ZNF521: variants seen among roughly 807,000 people sequenced by gnomAD.
ZNF521 encodes the protein LYST-interacting protein 3.
ZNF521 carries 14 observed loss-of-function variants against 105.5 expected under a neutral mutation model. The ratio of observed to expected loss-of-function variants is 0.13; its 90% CI spans 0.09 to 0.21. The LOEUF (loss-of-function observed/expected upper bound fraction) is 0.21. ZNF521 is among the 10% of genes least tolerant of loss of function. The probability of loss-of-function intolerance (pLI) is 1.00; values close to 1 mark genes in which losing one functional copy is unlikely to be tolerated. For synonymous variants in ZNF521, 635 were observed against 606.0 expected (o/e 1.05, Z -0.70); for missense variants, 1,233 against 1,629.7 (o/e 0.76, Z 4.19).
chr18:25,248,753 A>G (rs1488788793), intron 3 of ZNF521, among the ~76,000 whole-genome samples: 1 of 152,208 alleles, frequency 6.6e-6, no homozygotes. Flanking sequence ...ACAGGGATAC[A>G]ACTACAAGTG....
At chr18:25,202,014 A>G (rs1042557743) in intron 4 of ZNF521, 2 of 152,028 alleles carry the variant, frequency 1.3e-5, no homozygotes, top group Admixed American at 6.5e-5. Context: ...TGCCTGTATT[A>G]CTCTTTATTT....
At chr18:25,103,537 C>T (rs1479412073) in intron 5 of ZNF521, among the ~76,000 whole-genome samples, 2 of 152,240 alleles carry the variant, frequency 1.3e-5, no homozygotes, top group Non-Finnish European at 1.5e-5. Flanking sequence ...CCCATACTTA[C>T]GTATGGAAAA....
intron 7 of ZNF521, among the ~76,000 whole-genome samples, chr18:25,081,202 G>A (rs1383936573): frequency 1.3e-5 from 2 of 152,180 alleles, no homozygotes; most frequent in African/African-American, 4.8e-5. Context: ...GCTCCATAAA[G>A]CCGCACTGAT....
At chr18:25,201,388 A>C (rs958725742) in intron 4 of ZNF521, 1 of 152,228 alleles carries the variant, frequency 6.6e-6, no homozygotes, top group Non-Finnish European at 1.5e-5. Context: ...GATTTGTTCC[A>C]TAGGGATTAA....
chr18:25,160,084 G>A (rs1010861692), intron 5 of ZNF521, among the ~76,000 whole-genome samples: 6 of 152,158 alleles, frequency 3.9e-5, no homozygotes, highest in African/African-American at 1.4e-4. Context: ...CACCTGCCAG[G>A]ACACTCTTCT....
intron 3 of ZNF521, among the ~76,000 whole-genome samples, chr18:25,306,516 G>C (rs1358978405): frequency 1.3e-5 from 2 of 152,102 alleles, no homozygotes; most frequent in African/African-American, 4.8e-5. Flanking sequence ...TGAGACTAAA[G>C]CACCCTTCTT....
intron 5 of ZNF521, among the ~76,000 whole-genome samples, chr18:25,172,693 C>T (rs568329040): frequency 6.6e-6 from 1 of 152,170 alleles, no homozygotes; most frequent in Non-Finnish European, 1.5e-5. Flanking sequence ...AGAAAGCTGA[C>T]ATGCTAAACA....
chr18:25,208,934 C>T (rs1380770322), intron 4 of ZNF521, among the ~76,000 whole-genome samples: 1 of 152,106 alleles, frequency 6.6e-6, no homozygotes, highest in Non-Finnish European at 1.5e-5. Context: ...CTTATTTTTG[C>T]TTCCTACTGC....
At position 25,172,156 on chromosome 18, in the gene ZNF521, G is replaced by A. The variant is rs148094048; in HGVS notation, c.3658+23004C>T. 4.8e-3 allele frequency among the ~76,000 whole-genome samples: 726 copies of A among 152,220 alleles called. 5 individuals are homozygous for A. Among genetic ancestry groups the A allele is most frequent in the African/African-American group, 0.017 (702 of 41,554 alleles). Reference sequence around the variant, plus strand: ...ACAGCATAGATATGCTAGAACATTTGAAGATTGAGAGGAAAACCATACACC... The same window carrying A: ...ACAGCATAGATATGCTAGAACATTTAAAGATTGAGAGGAAAACCATACACC... On this transcript the variant is annotated intron_variant, in intron 5 of 7. Coordinates refer to ENST00000361524, the MANE Select transcript of ZNF521 (RefSeq NM_015461.3).
intron 3 of ZNF521, among the ~76,000 whole-genome samples, chr18:25,289,214 A>C (rs963797481): frequency 3.9e-5 from 6 of 152,238 alleles, no homozygotes; most frequent in African/African-American, 1.4e-4. Context: ...CCTAAGGAAA[A>C]CTGGACTTCG....
At chr18:25,236,439 G>A (rs1453498758) in intron 3 of ZNF521, among the ~76,000 whole-genome samples, 1 of 152,012 alleles carries the variant, frequency 6.6e-6, no homozygotes, top group Non-Finnish European at 1.5e-5. Flanking sequence ...AAGAGGCTGA[G>A]GCAGGAGAAT....
intron 5 of ZNF521, among the ~76,000 whole-genome samples, chr18:25,191,885 T>C (rs1418995559): frequency 6.6e-6 from 1 of 152,028 alleles, no homozygotes; most frequent in African/African-American, 2.4e-5. Context: ...AAAATAACAA[T>C]AAATATTTAC....
chr18:25,127,362 T>C (rs1029939049), intron 5 of ZNF521, among the ~76,000 whole-genome samples: 2 of 151,998 alleles, frequency 1.3e-5, no homozygotes, highest in Non-Finnish European at 2.9e-5. Flanking sequence ...ATATTAACAA[T>C]GGCTAAATTT....
chr18:25,190,258 T>A (rs9635972), intron 5 of ZNF521, among the ~76,000 whole-genome samples: 30,816 of 151,896 alleles, frequency 0.2, 3,231 homozygotes, highest in East Asian at 0.35. Flanking sequence ...GGATTTTTTT[T>A]AAAAAAGGGT....
chr18:25,332,950 G>A lies in ZNF521; in HGVS notation c.41-10763C>T, dbSNP rs868690587. ...AGTAACTGTAAATTAATAGTTGTTC[G>A]TGGAAATGTGTTCCCACTTATATTG... On this transcript the variant is annotated intron_variant, in intron 2 of 7. Coordinates refer to ENST00000361524, the MANE Select transcript of ZNF521 (RefSeq NM_015461.3). Among the ~76,000 whole-genome samples the A allele has an allele frequency of 5.5e-4, 84 of 152,156 alleles. 1 individual carries two copies. Among genetic ancestry groups the A allele is most frequent in the Middle Eastern group, 3.4e-3 (1 of 294 alleles).
intron 5 of ZNF521, among the ~76,000 whole-genome samples, chr18:25,127,205 A>AATGG (rs1425023369): frequency 1.3e-5 from 2 of 152,020 alleles, no homozygotes; most frequent in Non-Finnish European, 2.9e-5. Context: ...AAAACCTTAC[A>AATGG]ATGGATATAA....
At chr18:25,235,890 T>C (rs140900700) in intron 3 of ZNF521, among the ~76,000 whole-genome samples, 7 of 152,230 alleles carry the variant, frequency 4.6e-5, no homozygotes, top group African/African-American at 1.4e-4. Context: ...GGTTTGCTAA[T>C]GTAGAAAAAG....
intron 5 of ZNF521, among the ~76,000 whole-genome samples, chr18:25,173,539 G>A (rs2035484325): frequency 1.3e-5 from 2 of 152,194 alleles, no homozygotes; most frequent in African/African-American, 4.8e-5. Flanking sequence ...TGGGGTGGAA[G>A]AGCTGTAAAT....
intron 2 of ZNF521, among the ~76,000 whole-genome samples, chr18:25,325,028 T>C (rs1913136803): frequency 6.6e-6 from 1 of 152,230 alleles, no homozygotes; most frequent in African/African-American, 2.4e-5. Context: ...AACTTTAGGA[T>C]GCATGCTCCA....
Sources: gnomAD v4.1 joint callset for allele counts (sites outside exome capture counted in the v4.1 genomes callset) on GRCh38, gnomAD v4.1.1 for gene constraint, MANE v1.5 for transcripts, NCBI Gene and HGNC (gene_info 2026-07-23, HGNC 2026-07-21) for gene names.